The following ABR variants were observed in gnomAD, a reference collection of about 807,000 sequenced individuals.
ABR encodes active breakpoint cluster region-related protein.
A neutral mutation model predicts 107.2 loss-of-function variants in ABR; 35 were observed. The observed-to-expected ratio is 0.33, with a 90% CI of 0.25 to 0.43. ABR has a LOEUF of 0.43. Ranked by LOEUF, ABR falls within the 20% of genes least tolerant of loss-of-function variation. The probability of loss-of-function intolerance (pLI) is 1.00; values close to 1 mark genes in which losing one functional copy is unlikely to be tolerated. For missense variants in ABR, 815 were observed against 1,115.2 expected (o/e 0.73, Z 3.83); for synonymous variants, 498 against 462.0 (o/e 1.08, Z -1.00).
chr17:1,212,173 A>T (rs2042915866), intron 1 of ABR, among the ~76,000 whole-genome samples: 1 of 149,740 alleles, frequency 6.7e-6, no homozygotes, highest in Non-Finnish European at 1.5e-5. Context: ...TCACGCCTAT[A>T]GTCCCAGTAC....
Position 1,048,671 on chromosome 17 carries a change from GC to G in ABR, c.1791+1378del, listed in dbSNP as rs11337616. ...CGGTCAAGAAGCTCGGCGCCCAGCT[GC>G]CGCCTGGATCACCTCCGGGGCCACG... On this transcript the variant is annotated intron_variant, in intron 16 of 22. Coordinates refer to ENST00000302538, the MANE Select transcript of ABR (RefSeq NM_021962.5). Among the ~76,000 whole-genome samples the G allele has an allele frequency of 2.8e-3, 309 of 108,620 alleles. 20 individuals carry two copies. The highest frequency in any genetic ancestry group is 0.012 in the African/African-American group (287 of 23,738). 71.3% of individuals were successfully genotyped at this position (108,620 alleles called of 152,430 possible). A position where few individuals can be genotyped will look rare whatever the true frequency, so the allele number is the denominator to read the frequency against.
intron 1 of ABR, among the ~76,000 whole-genome samples, chr17:1,204,467 A>C (rs1216774197): frequency 6.6e-6 from 1 of 152,234 alleles, no homozygotes; most frequent in African/African-American, 2.4e-5. Flanking sequence ...AACAAAAAAA[A>C]TGAGAAACAT....
intron 1 of ABR, among the ~76,000 whole-genome samples, chr17:1,186,299 G>C (rs1184750783): frequency 6.6e-6 from 1 of 152,230 alleles, no homozygotes; most frequent in East Asian, 1.9e-4. Context: ...GGCTTTTCCA[G>C]CAGCCAGTGA....
intron 1 of ABR, among the ~76,000 whole-genome samples, chr17:1,203,684 T>C (rs566812955): frequency 1.5e-4 from 23 of 152,204 alleles, no homozygotes; most frequent in Admixed American, 2.6e-4. Context: ...GGAGCGGTGA[T>C]GCAGACGCCT....
intron 16 of ABR, among the ~76,000 whole-genome samples, chr17:1,028,422 C>T (rs575842047): frequency 1.6e-3 from 250 of 152,234 alleles, no homozygotes; most frequent in African/African-American, 5.9e-3. Context: ...TTAGTTGAGA[C>T]GGGGCTTCTC....
At chr17:1,061,789 C>G (rs2033963560) in intron 10 of ABR, among the ~76,000 whole-genome samples, 2 of 152,304 alleles carry the variant, frequency 1.3e-5, no homozygotes, top group South Asian at 4.1e-4. Flanking sequence ...TCAAGTGACC[C>G]ACCCGTCTCA....
chr17:1,219,357 C>T (rs1208030444), intron 1 of ABR, among the ~76,000 whole-genome samples: 1 of 139,810 alleles, frequency 7.2e-6, no homozygotes, highest in Non-Finnish European at 1.6e-5. Context: ...GCCTCACACA[C>T]CTGGCTCATG....
chr17:1,023,898 G>A (rs1383425515), intron 16 of ABR, among the ~76,000 whole-genome samples: 1 of 152,026 alleles, frequency 6.6e-6, no homozygotes, highest in Non-Finnish European at 1.5e-5. Context: ...GGTGGCACAT[G>A]CCTGTAAACC....
chr17:1,204,895 CTTTTTCTTTTTTTTTTTTTT>C (rs1421396978), intron 1 of ABR, among the ~76,000 whole-genome samples: 12 of 70,332 alleles, frequency 1.7e-4, no homozygotes, highest in Admixed American at 1.5e-3. Flanking sequence ...TTTTCTTTTT[CTTTTTCTTTTTTTTTTTTTT>C]TTTTTTGAGA....
At chr17:1,123,042 T>G (rs1195595914) in intron 2 of ABR, among the ~76,000 whole-genome samples, 1 of 152,140 alleles carries the variant, frequency 6.6e-6, no homozygotes, top group Non-Finnish European at 1.5e-5. Flanking sequence ...GGTCTTTTAT[T>G]AATAGTGTTT....
intron 1 of ABR, among the ~76,000 whole-genome samples, chr17:1,206,313 C>T (rs566045638): frequency 6.6e-6 from 1 of 152,310 alleles, no homozygotes; most frequent in South Asian, 2.1e-4. Flanking sequence ...CCCTTGACCC[C>T]TTAGATCACA....
chr17:1,044,668 C>T (rs917278855), intron 16 of ABR, among the ~76,000 whole-genome samples: 1 of 151,214 alleles, frequency 6.6e-6, no homozygotes, highest in Non-Finnish European at 1.5e-5. Context: ...AAAAAAATAC[C>T]TCTTCCGGCC....
chr17:1,014,445 A>G (rs2070972506), intron 16 of ABR, among the ~76,000 whole-genome samples: 2 of 151,678 alleles, frequency 1.3e-5, no homozygotes, highest in Admixed American at 6.6e-5. Flanking sequence ...CGTCTCAAAA[A>G]AAAAGAAAAA....
chr17:1,178,413 A>C (rs1334359256), intron 1 of ABR, among the ~76,000 whole-genome samples: 2 of 151,872 alleles, frequency 1.3e-5, no homozygotes, highest in Non-Finnish European at 2.9e-5. Context: ...AAATACAAAA[A>C]ATTAGCCGAG....
At chr17:1,103,247 G>T (rs1207601510) in intron 2 of ABR, among the ~76,000 whole-genome samples, 1 of 151,982 alleles carries the variant, frequency 6.6e-6, no homozygotes, top group Non-Finnish European at 1.5e-5. Flanking sequence ...CTGAGGCACC[G>T]AGAGTCGGGA....
At chr17:1,145,320 G>A (rs2040481587) in intron 1 of ABR, among the ~76,000 whole-genome samples, 1 of 152,218 alleles carries the variant, frequency 6.6e-6, no homozygotes, top group Admixed American at 6.5e-5. Flanking sequence ...AATCCCATAG[G>A]AGTTCTAACC....
At chr17:1,095,296 C>T (rs1193560042) in intron 3 of ABR, among the ~76,000 whole-genome samples, 1 of 152,208 alleles carries the variant, frequency 6.6e-6, no homozygotes, top group African/African-American at 2.4e-5. Flanking sequence ...GGACGCTCAC[C>T]CACAGCCAGT....
In ABR at chr17:1,210,236, C is replaced by T. The variant is rs182081040; in HGVS notation, c.838+18557G>A. ...GTAGAAAGTTCTGACCTAAGCCGGG[C>T]GCCGTGGCTCACACCTGTAATCCCA... is the stretch of plus-strand genomic sequence containing the variant. On this transcript the variant is annotated intron_variant, in intron 1 of 22. Coordinates refer to the ABR transcript ENST00000574139. This position sits in a 1 kb window ranked among gnomAD's most constrained non-coding sequence, Gnocchi z 5.6. Among the ~76,000 whole-genome samples the T allele has an allele frequency of 1.4e-3, 207 of 152,298 alleles. No individual in the cohort carries two copies. The highest frequency in any genetic ancestry group is 4.8e-3 in the African/African-American group (198 of 41,572).
At chr17:1,029,257 G>A (rs951389542) in intron 16 of ABR, among the ~76,000 whole-genome samples, 1 of 152,086 alleles carries the variant, frequency 6.6e-6, no homozygotes, top group Non-Finnish European at 1.5e-5. Flanking sequence ...GGGCTGGAAT[G>A]AGGCTTTGGC....
Sources: allele counts gnomAD v4.1 joint callset (sites outside exome capture counted in the v4.1 genomes callset), GRCh38; gene constraint gnomAD v4.1.1; non-coding constraint Gnocchi (gnomAD v3.1); transcripts MANE v1.5; gene names NCBI Gene and HGNC (gene_info 2026-07-23, HGNC 2026-07-21).